The following TPGS2 variants were observed in gnomAD, a reference collection of about 807,000 sequenced individuals.
TPGS2 encodes the protein tubulin polyglutamylase complex subunit 2.
TPGS2 carries 26 observed loss-of-function variants against 31.1 expected under a neutral mutation model. The ratio of observed to expected loss-of-function variants is 0.84; its 90% confidence interval spans 0.61 to 1.16. The LOEUF is 1.16. Ranked by LOEUF, TPGS2 falls within the 50% of genes most tolerant of loss-of-function variation. The pLI, the probability that TPGS2 is intolerant of heterozygous loss-of-function variation, is 0.00. For synonymous variants in TPGS2, 130 were observed against 136.6 expected (o/e 0.95, Z 0.34); for missense variants, 351 against 363.8 (o/e 0.96, Z 0.29).
chr18:36,805,326 T>C, intron 4 of TPGS2, 48 bp downstream of exon 4: 2 of 1,603,090 alleles, frequency 1.2e-6, no homozygotes, highest in African/African-American at 2.7e-5. Context: ...GCGCCAGGCA[T>C]GGAGCTGGAT....
intron 6 of TPGS2, chr18:36,787,114 G>A: frequency 8.1e-7 from 1 of 1,232,332 alleles, no homozygotes; most frequent in Non-Finnish European, 1.0e-6. Flanking sequence ...CATGGGTCTT[G>A]GTTCAGAATT....
chr18:36,823,589 T>C (rs2045998975), intron 1 of TPGS2, among the ~76,000 whole-genome samples: 1 of 149,618 alleles, frequency 6.7e-6, no homozygotes, highest in African/African-American at 2.5e-5. Flanking sequence ...GCCTCCCGAG[T>C]AGCTGGGACT....
At chr18:36,816,529 G>C (rs1268771944) in intron 2 of TPGS2, among the ~76,000 whole-genome samples, 1 of 152,152 alleles carries the variant, frequency 6.6e-6, no homozygotes, top group Non-Finnish European at 1.5e-5. Flanking sequence ...AGGCATTCCT[G>C]TCCTCTCACC....
chr18:36,818,749 G>T, intron 2 of TPGS2, 145 bp downstream of exon 2: 1 of 710,496 alleles, frequency 1.4e-6, no homozygotes, highest in Non-Finnish European at 2.3e-6. Flanking sequence ...TAAGTGGGCT[G>T]AACAGGAACA....
chr18:36,784,259 G>A (rs1010682194), intron 6 of TPGS2, among the ~76,000 whole-genome samples: 1 of 152,224 alleles, frequency 6.6e-6, no homozygotes, highest in Non-Finnish European at 1.5e-5. Context: ...CCGCGCACCC[G>A]TTATGGAGGT....
downstream of TPGS2, chr18:36,789,177 G>T (rs1396682855): frequency 6.6e-6 from 1 of 152,170 alleles, no homozygotes; most frequent in Non-Finnish European, 1.5e-5. Context: ...AATATGTAAA[G>T]TAGAAAAGGA....
chr18:36,780,313 CT>C, downstream of TPGS2: 1 of 725,344 alleles, frequency 1.4e-6, no homozygotes, highest in Non-Finnish European at 1.9e-6. Flanking sequence ...ATCACCTTAC[CT>C]GTGTGGTTTG....
intron 2 of TPGS2, among the ~76,000 whole-genome samples, chr18:36,809,019 C>T (rs2045298584): frequency 1.3e-5 from 2 of 152,158 alleles, no homozygotes; most frequent in Non-Finnish European, 2.9e-5. Context: ...GCTTACTGGA[C>T]CCTTCTGAGA....
chr18:36,780,285 G>A (rs999673447), downstream of TPGS2: 24 of 926,262 alleles, frequency 2.6e-5, no homozygotes, highest in African/African-American at 3.6e-4. Flanking sequence ...CGTGTTAGCT[G>A]TTGTTAACCT....
At chr18:36,800,431 T>A in intron 4 of TPGS2, 120 bp from the exon 5 acceptor site, 1 of 773,086 alleles carries the variant, frequency 1.3e-6, no homozygotes, top group Non-Finnish European at 2.2e-6. Context: ...GACATATACT[T>A]AAGTAGTATT....
chr18:36,797,079 A>G, intron 6 of TPGS2, 29 bp from the exon 7 acceptor site: 2 of 1,596,492 alleles, frequency 1.3e-6, no homozygotes, highest in Non-Finnish European at 1.7e-6. Context: ...AGACAAGGTC[A>G]CAATTCAAAG....
At chr18:36,780,064 A>G, downstream of TPGS2, 1 of 1,057,742 alleles carries the variant, frequency 9.5e-7, no homozygotes, top group Non-Finnish European at 1.2e-6. Flanking sequence ...CCATAATGAG[A>G]AACTTTTATT....
chr18:36,781,876 C>T (rs569307199), downstream of TPGS2: 4 of 985,396 alleles, frequency 4.1e-6, no homozygotes, highest in African/African-American at 7.0e-5. Flanking sequence ...GAGCCTGGAA[C>T]TTGCGAGAGT....
At chr18:36,810,528 G>A (rs889882874) in intron 2 of TPGS2, among the ~76,000 whole-genome samples, 4 of 152,084 alleles carry the variant, frequency 2.6e-5, no homozygotes, top group Non-Finnish European at 5.9e-5. Context: ...CAGGGAGGAG[G>A]AAGATCGGCA....
At position 36,800,197 on chromosome 18, in the gene TPGS2, C is replaced by T. The variant is rs113419954; in HGVS notation, c.496+1G>A. ...GGACCACGCTTGTAAACAATTCTTACCTGGTTTCCCACTTTTGTAGACAAG... is the reference window on the plus strand; with the variant it reads ...GGACCACGCTTGTAAACAATTCTTATCTGGTTTCCCACTTTTGTAGACAAG... On this transcript the variant is annotated splice_donor_variant, in intron 5 of 6. Transcript: ENST00000334295. LOFTEE classifies it high-confidence loss of function. 2.5e-6 allele frequency: 4 copies of T among 1,613,694 alleles called. No individual in the cohort carries two copies. Among genetic ancestry groups the T allele is most frequent in the East Asian group, 4.5e-5 (2 of 44,886 alleles).
chr18:36,781,832 C>T, downstream of TPGS2: 1 of 985,446 alleles, frequency 1.0e-6, no homozygotes, highest in African/African-American at 1.7e-5. Context: ...AGACATTTGT[C>T]AAATAGTACA....
intron 6 of TPGS2, among the ~76,000 whole-genome samples, chr18:36,783,868 C>G (rs2044070442): frequency 6.6e-6 from 1 of 152,106 alleles, no homozygotes; most frequent in African/African-American, 2.4e-5. Flanking sequence ...AATTAAGGAT[C>G]CTGATATATG....
At chr18:36,813,337 C>G (rs554626942) in intron 2 of TPGS2, among the ~76,000 whole-genome samples, 1 of 152,110 alleles carries the variant, frequency 6.6e-6, no homozygotes, top group South Asian at 2.1e-4. Flanking sequence ...AGGAGCCACA[C>G]CAAGTGAGAT....
chr18:36,798,023 A>C, intron 6 of TPGS2: 1 of 335,614 alleles, frequency 3.0e-6, no homozygotes, highest in Non-Finnish European at 4.4e-6. Flanking sequence ...AAAAGTGTGC[A>C]TGCATGCTTT....
Sources: allele counts gnomAD v4.1 joint callset (sites outside exome capture counted in the v4.1 genomes callset), GRCh38; gene constraint gnomAD v4.1.1; transcripts MANE v1.5; gene names NCBI Gene and HGNC (gene_info 2026-07-23, HGNC 2026-07-21).